RPS11: variants seen among roughly 807,000 people sequenced by gnomAD.
RPS11 encodes ribosomal protein S11.
For synonymous variants in RPS11, 107 were observed against 78.0 expected (o/e 1.37, Z -1.96); for missense variants, 127 against 211.4 (o/e 0.60, Z 2.48).
intron 2 of RPS11, 24 bp from the exon 3 acceptor site, chr19:49,497,496 C>T (rs1176096978): frequency 1.9e-6 from 3 of 1,611,896 alleles, no homozygotes; most frequent in East Asian, 2.2e-5. Context: ...AAGGCTCACT[C>T]CTTTATCTTT....
chr19:49,499,369 C>A, intron 4 of RPS11, 143 bp from the exon 5 acceptor site: 1 of 819,950 alleles, frequency 1.2e-6, no homozygotes, highest in Non-Finnish European at 1.9e-6. Context: ...AAGGAGGGGA[C>A]AGGTTGAATT....
chr19:49,498,121 G>A lies in RPS11; in HGVS notation c.353+75G>A, dbSNP rs181258895. The stretch of plus-strand genomic sequence containing the variant: ...CAGATTCCAGATCGGACCAATTTAA[G>A]GCCAACTGAGGGAGGGAAAGACTGA... On this transcript the variant is annotated intron_variant, in intron 4 of 4. Transcript: ENST00000270625. 1,466 of 1,528,598 alleles carry A rather than the reference G, an allele frequency of 9.6e-4. 2 individuals carry two copies. The highest frequency in any genetic ancestry group is 1.2e-3 in the Non-Finnish European group (1,362 of 1,108,916). The allele number at this position is 1,528,598 out of a possible 1,614,324, so 94.7% of individuals were successfully genotyped here.
chr19:49,497,199 G>A lies in RPS11; in HGVS notation c.21G>A (p.Glu7=). The A allele has an allele frequency of 6.2e-7, 1 of 1,613,836 alleles. No homozygotes were observed. The highest frequency in any genetic ancestry group is 8.5e-7 in the Non-Finnish European group (1 of 1,180,026). The stretch of plus-strand genomic sequence containing the variant: ...TTTCTCCTCATAATCTGTAGACTGA[G>A]CGTGCCTACCAAAAGCAGCCGACCA... MADIQT[E]RAYQKQPTIF... is the part of the protein sequence containing the mutation. Residue 7 remains glutamate, a synonymous_variant, in exon 2 of 5, where the codon GAG becomes GAA. Transcript: ENST00000270625.
At position 49,497,210 on chromosome 19, in the gene RPS11, A is replaced by G; in HGVS notation, c.32A>G (p.Gln11Arg). Residue 11 changes from glutamine (Q) to arginine (R), a missense_variant, in exon 2 of 5, where the codon CAA (glutamine) becomes CGA (arginine). Coordinates refer to ENST00000270625, the MANE Select transcript of RPS11 (RefSeq NM_001015.5). ...AATCTGTAGACTGAGCGTGCCTACC[A>G]AAAGCAGCCGACCATCTTTCAAAAC... MADIQTERAY[Q>R]KQPTIFQNKK... 6.2e-7 allele frequency: 1 copy of G among 1,614,030 alleles called. No homozygotes were observed. The highest frequency in any genetic ancestry group is 8.5e-7 in the Non-Finnish European group (1 of 1,180,010).
rs187868090 is a variant in RPS11, at chr19:49,496,477, G to T, written c.15+6G>T. On this transcript the variant is annotated splice_donor_region_variant and intron_variant, in intron 1 of 4. Coordinates refer to ENST00000270625, the MANE Select transcript of RPS11 (RefSeq NM_001015.5). Reference sequence around the variant, plus strand: ...GGAAGATGGCGGACATTCAGGTGCGGACTCGGGGTTGGATGCCAGGGTGCG... The same window carrying T: ...GGAAGATGGCGGACATTCAGGTGCGTACTCGGGGTTGGATGCCAGGGTGCG... 1 of 1,610,880 alleles carries T rather than the reference G, an allele frequency of 6.2e-7. No individual in the cohort carries two copies. Among genetic ancestry groups the T allele is most frequent in the Non-Finnish European group, 8.5e-7 (1 of 1,178,692 alleles).
At chr19:49,498,746 TCTCTC>T (rs757157465) in intron 4 of RPS11, among the ~76,000 whole-genome samples, 1 of 152,134 alleles carries the variant, frequency 6.6e-6, no homozygotes, top group Non-Finnish European at 1.5e-5. Flanking sequence ...TAAGACCCTG[TCTCTC>T]CCACACACAC....
In RPS11 at chr19:49,498,763, C is replaced by T. The variant is rs144877177; in HGVS notation, c.353+717C>T. Among the ~76,000 whole-genome samples the T allele has an allele frequency of 3.4e-3, 513 of 152,234 alleles. 7 individuals are homozygous for T. The highest frequency in any genetic ancestry group is 0.012 in the African/African-American group (498 of 41,536). ...AGACCCTGTCTCTCCCACACACACA[C>T]AAATTCAGATTTTGCAGCGTTTCAG... On this transcript the variant is annotated intron_variant, in intron 4 of 4. Transcript: ENST00000270625.
intron 4 of RPS11, 45 bp from the exon 5 acceptor site, chr19:49,499,467 C>A: frequency 6.3e-7 from 1 of 1,588,602 alleles, no homozygotes; most frequent in Non-Finnish European, 8.6e-7. Flanking sequence ...CTGGGGTCTG[C>A]TGGGGTGGCC....
rs562561836 is a variant in RPS11, at chr19:49,497,336, C to T, written c.147+11C>T. 7 of 1,613,934 alleles carry T rather than the reference C, an allele frequency of 4.3e-6. No individual in the cohort carries two copies. In the South Asian group the frequency reaches 6.6e-5, roughly 15 times the overall value. Reference sequence around the variant, plus strand: ...AAGACACCCAAGGAGGTGCGGGGAACCTCAGAAGAAAGAAGGGGAACCTGG... The same window carrying T: ...AAGACACCCAAGGAGGTGCGGGGAATCTCAGAAGAAAGAAGGGGAACCTGG... On this transcript the variant is annotated intron_variant, in intron 2 of 4. Coordinates refer to ENST00000270625, the MANE Select transcript of RPS11 (RefSeq NM_001015.5).
chr19:49,497,538 A>G lies in RPS11; in HGVS notation c.166A>G (p.Ile56Val). ...CTTTCAGGCTATTGAGGGCACCTAC[A>G]TTGACAAGAAATGCCCCTTCACTGG... ...TPKEAIEGTYIDKKCPFTGNV... is the reference protein window; with the variant it reads ...TPKEAIEGTYVDKKCPFTGNV... The change falls in exon 3 of 5, where the codon ATT becomes GTT. Residue 56 changes from isoleucine (I) to valine (V), a missense_variant. Transcript: ENST00000270625. 1 of 1,613,918 alleles carries G rather than the reference A, an allele frequency of 6.2e-7. No homozygotes were observed. The highest frequency in any genetic ancestry group is 8.5e-7 in the Non-Finnish European group (1 of 1,179,956).
intron 3 of RPS11, 141 bp from the exon 4 acceptor site, chr19:49,497,776 G>A (rs753790872): frequency 1.5e-6 from 2 of 1,308,640 alleles, no homozygotes; most frequent in Admixed American, 1.7e-5. Flanking sequence ...GCACTGCTGA[G>A]AAAGCCACTT....
intron 4 of RPS11, chr19:49,498,278 A>G (rs1482973874): frequency 2.0e-5 from 11 of 539,136 alleles, no homozygotes; most frequent in East Asian, 3.3e-5. Context: ...TCTCGCATAC[A>G]TAGTGAGATG....
chr19:49,498,058 G>C lies in RPS11; in HGVS notation c.353+12G>C. On this transcript the variant is annotated intron_variant, in intron 4 of 4. Transcript: ENST00000270625. Reference sequence around the variant, plus strand: ...TCCCCCTGCTTCAGGTGAGCGCAGTGGCCCATCAGGTTGCTCAGGCCACGC... The same window carrying C: ...TCCCCCTGCTTCAGGTGAGCGCAGTCGCCCATCAGGTTGCTCAGGCCACGC... The C allele has an allele frequency of 6.2e-7, 1 of 1,611,938 alleles. No individual in the cohort carries two copies. The highest frequency in any genetic ancestry group is 2.2e-5 in the East Asian group (1 of 44,876).
At chr19:49,498,193 A>G (rs908681430) in intron 4 of RPS11, 147 bp downstream of exon 4, 8 of 844,336 alleles carry the variant, frequency 9.5e-6, no homozygotes, top group South Asian at 4.5e-5. Flanking sequence ...TGTATATCAT[A>G]TGTTCTTCAG....
At chr19:49,499,318 G>T (rs1439571212) in intron 4 of RPS11, among the ~76,000 whole-genome samples, 194 bp from the exon 5 acceptor site, 5 of 152,196 alleles carry the variant, frequency 3.3e-5, no homozygotes, top group African/African-American at 1.2e-4. Context: ...CCTGCTCTGT[G>T]TACAGCGTTG....
At chr19:49,497,435 A>C in intron 2 of RPS11, 85 bp from the exon 3 acceptor site, 1 of 1,591,632 alleles carries the variant, frequency 6.3e-7, no homozygotes, top group Non-Finnish European at 8.6e-7. Flanking sequence ...TGGGAATTGT[A>C]GTTGCTTCCC....
chr19:49,498,234 T>C, intron 4 of RPS11, 188 bp downstream of exon 4: 1 of 624,042 alleles, frequency 1.6e-6, no homozygotes, highest in South Asian at 1.9e-5. Flanking sequence ...TGAATATCTC[T>C]ACCTGAAATG....
At chr19:49,497,675 TGA>T in intron 3 of RPS11, 80 bp downstream of exon 3, 1 of 1,364,362 alleles carries the variant, frequency 7.3e-7, no homozygotes, top group Admixed American at 1.7e-5. Context: ...GGGTCCTGGG[TGA>T]GAGGGGTGGT....
At position 49,497,908 on chromosome 19, in the gene RPS11, C is replaced by T. The variant is rs760372259; in HGVS notation, c.224-9C>T. The T allele has an allele frequency of 1.5e-5, 24 of 1,614,014 alleles. No individual in the cohort carries two copies. Among genetic ancestry groups the T allele is most frequent in the African/African-American group, 4.0e-5 (3 of 74,908 alleles). ...TGGGACCTGACCTATGATCGGCCCC[C>T]GCTCCTAGGCGTGGTGACCAAGATG... On this transcript the variant is annotated splice_polypyrimidine_tract_variant and intron_variant, in intron 3 of 4. Transcript: ENST00000270625.
Sources: gnomAD v4.1 joint callset for allele counts (sites outside exome capture counted in the v4.1 genomes callset) on GRCh38, gnomAD v4.1.1 for gene constraint, MANE v1.5 for transcripts, NCBI Gene and HGNC (gene_info 2026-07-23, HGNC 2026-07-21) for gene names.